The following ARHGEF3 variants were observed in gnomAD, a reference collection of about 807,000 sequenced individuals.
The protein encoded by ARHGEF3 is Rho guanine nucleotide exchange factor 3.
Under a neutral mutation model 63.2 loss-of-function variants are expected in ARHGEF3, and 28 were observed. The ratio of observed to expected loss-of-function variants is 0.44; its 90% confidence interval spans 0.33 to 0.61. ARHGEF3 has a LOEUF of 0.61. Among genes scored for constraint, ARHGEF3 ranks in the 20% least tolerant of loss-of-function variants. The pLI is 0.03. For synonymous variants in ARHGEF3, 266 were observed against 254.2 expected (o/e 1.05, Z -0.44); for missense variants, 533 against 659.3 (o/e 0.81, Z 2.10).
intron 2 of ARHGEF3, among the ~76,000 whole-genome samples, chr3:57,023,627 T>C (rs529048651): frequency 1.6e-4 from 24 of 152,316 alleles, no homozygotes; most frequent in Admixed American, 1.4e-3. Flanking sequence ...GCCCCTGCCA[T>C]ATGACATGAT....
chr3:56,886,680 A>G (rs1178759976), intron 3 of ARHGEF3, among the ~76,000 whole-genome samples: 1 of 152,182 alleles, frequency 6.6e-6, no homozygotes, highest in East Asian at 1.9e-4. Context: ...GCTTTAGCCT[A>G]TTGAACGCTC....
intron 1 of ARHGEF3, among the ~76,000 whole-genome samples, chr3:57,054,711 G>C (rs865943403): frequency 2.7e-5 from 4 of 149,852 alleles, no homozygotes; most frequent in Non-Finnish European, 5.9e-5. Flanking sequence ...TAGTGCAGTG[G>C]CGCAATCTCA....
chr3:56,788,016 G>C (rs1352069944), intron 1 of ARHGEF3, among the ~76,000 whole-genome samples: 2 of 152,162 alleles, frequency 1.3e-5, no homozygotes, highest in African/African-American at 2.4e-5. Flanking sequence ...GAGGCAGAAA[G>C]GAAGTAGACA....
rs536205390 is a variant in ARHGEF3, at chr3:56,764,655, A to G, written c.204+9054T>C. 2.6e-5 allele frequency among the ~76,000 whole-genome samples: 4 copies of G among 152,242 alleles called. No individual in the cohort carries two copies. The South Asian group carries it at 8.3e-4, about 32-fold the overall frequency. ...GAGAAGACGATATGAGGCCATGAAC[A>G]TAAGGTACTTTGTGCAGAACCTGGT... is the stretch of plus-strand genomic sequence containing the variant. On this transcript the variant is annotated intron_variant, in intron 2 of 9. Coordinates refer to ENST00000296315, the MANE Select transcript of ARHGEF3 (RefSeq NM_019555.3).
intron 4 of ARHGEF3, among the ~76,000 whole-genome samples, 175 bp downstream of exon 4, chr3:56,753,329 T>C (rs969468385): frequency 6.6e-6 from 1 of 152,152 alleles, no homozygotes. Context: ...AGGTGCCAGG[T>C]CTGGAGAGCT....
At chr3:56,910,426 T>A (rs1418337544) in intron 3 of ARHGEF3, among the ~76,000 whole-genome samples, 1 of 152,240 alleles carries the variant, frequency 6.6e-6, no homozygotes, top group Non-Finnish European at 1.5e-5. Flanking sequence ...GGACCTCAGA[T>A]GCTCAGAGCC....
intron 3 of ARHGEF3, among the ~76,000 whole-genome samples, chr3:56,914,914 A>G (rs967893065): frequency 1.3e-5 from 2 of 152,192 alleles, no homozygotes; most frequent in African/African-American, 2.4e-5. Context: ...AGTTCTGGAG[A>G]TGGATGGTGG....
chr3:56,993,961 G>A (rs1467976216), intron 2 of ARHGEF3, among the ~76,000 whole-genome samples: 1 of 149,792 alleles, frequency 6.7e-6, no homozygotes, highest in African/African-American at 2.5e-5. Flanking sequence ...CTACTCAGGA[G>A]GCTGAGGCAG....
intron 4 of ARHGEF3, among the ~76,000 whole-genome samples, chr3:56,817,780 G>GAA (rs1206200530): frequency 6.6e-6 from 1 of 152,190 alleles, no homozygotes; most frequent in Non-Finnish European, 1.5e-5. Flanking sequence ...TAGTCTGCCA[G>GAA]AACGTTGATG....
intron 3 of ARHGEF3, chr3:56,882,449 C>T: frequency 2.1e-6 from 2 of 970,350 alleles, no homozygotes; most frequent in Non-Finnish European, 1.6e-6. Context: ...CACATGCAAT[C>T]CTTATCATTT....
At chr3:57,022,877 T>G (rs1703318253) in intron 2 of ARHGEF3, among the ~76,000 whole-genome samples, 1 of 152,186 alleles carries the variant, frequency 6.6e-6, no homozygotes, top group African/African-American at 2.4e-5. Context: ...TTGTCCAAGC[T>G]AAGCCCCTGG....
chr3:56,833,026 T>C (rs78665962), intron 4 of ARHGEF3, among the ~76,000 whole-genome samples: 4,362 of 152,352 alleles, frequency 0.029, 211 homozygotes, highest in African/African-American at 0.1. Flanking sequence ...CATTCCTCAA[T>C]TGATGGAATA....
intron 1 of ARHGEF3, among the ~76,000 whole-genome samples, chr3:56,792,507 C>G (rs1426120163): frequency 6.6e-6 from 1 of 152,198 alleles, no homozygotes; most frequent in Non-Finnish European, 1.5e-5. Context: ...GGAACCAAAC[C>G]ATCAGACTTC....
intron 4 of ARHGEF3, among the ~76,000 whole-genome samples, chr3:56,855,260 T>G (rs2108163389): frequency 6.6e-6 from 1 of 152,296 alleles, no homozygotes; most frequent in Middle Eastern, 3.4e-3. Context: ...GTTGTTCCCA[T>G]TTTTATCTGG....
At chr3:56,873,026 T>C (rs2040479704) in intron 4 of ARHGEF3, among the ~76,000 whole-genome samples, 1 of 151,996 alleles carries the variant, frequency 6.6e-6, no homozygotes, top group South Asian at 2.1e-4. Context: ...GAAGACAGGA[T>C]GTTGCTCTGA....
chr3:56,944,568 CTTT>C (rs1205155655), intron 3 of ARHGEF3, among the ~76,000 whole-genome samples: 4 of 65,834 alleles, frequency 6.1e-5, no homozygotes, highest in Admixed American at 2.4e-4. Context: ...AAAGTGGTTT[CTTT>C]TTTTTTTTTT....
intron 3 of ARHGEF3, among the ~76,000 whole-genome samples, chr3:56,919,562 C>T (rs769423699): frequency 2.6e-5 from 4 of 152,286 alleles, no homozygotes; most frequent in African/African-American, 9.6e-5. Context: ...TTAGCAAATA[C>T]GAAAGATACA....
chr3:56,735,084 G>C (rs893828802), intron 8 of ARHGEF3, among the ~76,000 whole-genome samples: 20 of 152,132 alleles, frequency 1.3e-4, no homozygotes, highest in African/African-American at 4.6e-4. Context: ...AGGAATTCAA[G>C]AACAGCCTGG....
intron 4 of ARHGEF3, among the ~76,000 whole-genome samples, chr3:56,848,006 T>C (rs1292599393): frequency 6.6e-6 from 1 of 152,102 alleles, no homozygotes; most frequent in African/African-American, 2.4e-5. Flanking sequence ...CACACAGAGA[T>C]GGAGACATCA....
Sources: allele counts gnomAD v4.1 joint callset (sites outside exome capture counted in the v4.1 genomes callset), GRCh38; gene constraint gnomAD v4.1.1; transcripts MANE v1.5; gene names NCBI Gene and HGNC (gene_info 2026-07-23, HGNC 2026-07-21).